Variants in FRS2 observed in about 807,000 individuals in gnomAD.
FRS2 encodes the protein FGFR signalling adaptor.
Under a neutral mutation model 43.9 loss-of-function variants are expected in FRS2, and 8 were observed. The ratio of observed to expected loss-of-function variants is 0.18; its 90% CI spans 0.11 to 0.33. The LOEUF is 0.33. FRS2 is among the 10% of genes least tolerant of loss of function. The probability of loss-of-function intolerance (pLI) is 1.00; values close to 1 mark genes in which losing one functional copy is unlikely to be tolerated. For missense variants in FRS2, 534 were observed against 627.6 expected, an observed-to-expected ratio of 0.85 and a Z score of 1.59; for synonymous variants, 219 against 220.3, an observed-to-expected ratio of 0.99 and a Z score of 0.05.
chr12:69,557,619 T>TGCGCAC (rs1555192501), intron 3 of FRS2, among the ~76,000 whole-genome samples: 6,454 of 118,988 alleles, frequency 0.054, 208 homozygotes, highest in South Asian at 0.19. Context: ...TGTGTGTGTG[T>TGCGCAC]GCGCGCGCGC....
In FRS2 at chr12:69,574,555, C is replaced by T. The variant is rs756070543; in HGVS notation, c.1127C>T (p.Thr376Ile). 35 of 1,613,964 alleles carry T rather than the reference C, an allele frequency of 2.2e-5. No individual in the cohort carries two copies. The highest frequency in any genetic ancestry group is 2.9e-5 in the Non-Finnish European group (34 of 1,179,986). ...GAAGATGACAATTTAGGACCAAAGA[C>T]CCCATCTCTAAATGGCTACCATAAT... ...RDEDDNLGPK[T>I]PSLNGYHNNL... is the part of the protein sequence containing the mutation. The change falls in exon 9 of 9, where the codon ACC (threonine) becomes ATC (isoleucine). Residue 376 changes from threonine to isoleucine, a missense_variant. Physicochemically the swap from Thr to Ile is moderately conservative, Grantham distance 89 (BLOSUM62 -1). This residue lies in a region of FRS2 where 446 missense variants were observed against 494.2 expected (regional missense o/e 0.90). Transcript: ENST00000549921.
intron 8 of FRS2, among the ~76,000 whole-genome samples, chr12:69,573,116 A>T (rs1269547276): frequency 1.3e-5 from 2 of 150,136 alleles, no homozygotes; most frequent in Admixed American, 1.3e-4. Context: ...TACAGGCGTG[A>T]GCCACTGTGC....
At chr12:69,473,189 T>A (rs540901163) in intron 1 of FRS2, among the ~76,000 whole-genome samples, 1 of 152,226 alleles carries the variant, frequency 6.6e-6, no homozygotes, top group Non-Finnish European at 1.5e-5. Flanking sequence ...AATATGTAAG[T>A]ACCTTAATAA....
In FRS2 at chr12:69,503,932, G is replaced by A. The variant is rs377252438; in HGVS notation, c.-260-26933G>A. Among the ~76,000 whole-genome samples, 12 of 152,132 alleles carry A rather than the reference G, an allele frequency of 7.9e-5. No homozygotes were observed. The East Asian group carries it at 2.1e-3, about 27-fold the overall frequency. ...AGATTTTTAAAATTTGGCTGGGCCC[G>A]GTGGCTCATGCTTGTAATCCCAGCA... On this transcript the variant is annotated intron_variant, in intron 1 of 8. Coordinates refer to ENST00000549921, the MANE Select transcript of FRS2 (RefSeq NM_001278356.2).
At chr12:69,557,594 T>TTGTGTGTGTG (rs376896422) in intron 3 of FRS2, among the ~76,000 whole-genome samples, 1,567 of 137,036 alleles carry the variant, frequency 0.011, 10 homozygotes, top group African/African-American at 0.017. Flanking sequence ...TGAAGGTTGA[T>TTGTGTGTGTG]TGTGTGTGTG....
chr12:69,533,727 C>T lies in FRS2; in HGVS notation c.-122+1671C>T, dbSNP rs144575473. ...GATGGGTGGGAAATTAGAATTTCAT[C>T]GGGGTGATGAAATGAGCAATTTGAT... On this transcript the variant is annotated intron_variant, in intron 3 of 8. Coordinates refer to ENST00000549921, the MANE Select transcript of FRS2 (RefSeq NM_001278356.2). Among the ~76,000 whole-genome samples the T allele has an allele frequency of 2.1e-4, 32 of 152,110 alleles. No individual in the cohort carries two copies. The East Asian group carries it at 3.5e-3, about 17-fold the overall frequency.
At chr12:69,545,989 G>A (rs1261303537) in intron 3 of FRS2, among the ~76,000 whole-genome samples, 1 of 152,114 alleles carries the variant, frequency 6.6e-6, no homozygotes. Context: ...TACAACTCTT[G>A]TAAGGAAATG....
chr12:69,556,345 CTTTTTT>C (rs760512474), intron 3 of FRS2, among the ~76,000 whole-genome samples: 1 of 146,494 alleles, frequency 6.8e-6, no homozygotes, highest in African/African-American at 2.5e-5. Flanking sequence ...TTCTTTCTTT[CTTTTTT>C]TTTTTAAGTC....
At chr12:69,510,190 G>T (rs1368316129) in intron 1 of FRS2, among the ~76,000 whole-genome samples, 1 of 152,172 alleles carries the variant, frequency 6.6e-6, no homozygotes, top group Non-Finnish European at 1.5e-5. Flanking sequence ...CATCTGTGGA[G>T]AATGATTTTG....
At chr12:69,519,593 G>GT (rs140198318) in intron 1 of FRS2, among the ~76,000 whole-genome samples, 30,024 of 128,244 alleles carry the variant, frequency 0.23, 3,159 homozygotes, top group Middle Eastern at 0.36. Flanking sequence ...GTTGTCTGTT[G>GT]TTCCCCTCTT....
intron 3 of FRS2, among the ~76,000 whole-genome samples, chr12:69,549,623 C>T (rs1878699913): frequency 1.3e-5 from 2 of 152,282 alleles, no homozygotes; most frequent in South Asian, 4.1e-4. Context: ...GAAGTTTGTT[C>T]CATTTGCATA....
intron 3 of FRS2, among the ~76,000 whole-genome samples, chr12:69,536,579 A>ATTTT (rs5798939): frequency 2.2e-5 from 3 of 134,258 alleles, no homozygotes; most frequent in Non-Finnish European, 1.6e-5. Context: ...TTTTTTTTTA[A>ATTTT]TTTTTTTTTT....
At chr12:69,514,348 T>A (rs1874766539) in intron 1 of FRS2, among the ~76,000 whole-genome samples, 1 of 152,164 alleles carries the variant, frequency 6.6e-6, no homozygotes, top group East Asian at 1.9e-4. Flanking sequence ...TGGATGACTC[T>A]AAATGCTGCC....
intron 1 of FRS2, among the ~76,000 whole-genome samples, chr12:69,474,182 A>G (rs945366533): frequency 2.6e-5 from 4 of 152,044 alleles, no homozygotes; most frequent in African/African-American, 9.7e-5. Flanking sequence ...TGACGGTGGT[A>G]CTCTTACTAG....
intron 1 of FRS2, among the ~76,000 whole-genome samples, chr12:69,525,271 A>G (rs2135633587): frequency 6.6e-6 from 1 of 152,298 alleles, no homozygotes; most frequent in East Asian, 1.9e-4. Context: ...ACAAACCACA[A>G]GTATTTAAAT....
intron 3 of FRS2, among the ~76,000 whole-genome samples, chr12:69,537,586 CTG>C (rs1277067672): frequency 6.6e-6 from 1 of 151,862 alleles, no homozygotes; most frequent in Non-Finnish European, 1.5e-5. Flanking sequence ...TTTTATTTGG[CTG>C]TGTTAAGCCT....
chr12:69,477,465 G>A (rs1432233568), intron 1 of FRS2, among the ~76,000 whole-genome samples: 1 of 150,266 alleles, frequency 6.7e-6, no homozygotes, highest in Non-Finnish European at 1.5e-5. Context: ...TGTATTTTTA[G>A]TAGAAACGGG....
chr12:69,482,065 A>G (rs940665565), intron 1 of FRS2, among the ~76,000 whole-genome samples: 1 of 150,444 alleles, frequency 6.6e-6, no homozygotes, highest in African/African-American at 2.4e-5. Context: ...AGTGCTTTCT[A>G]TATATATGTG....
chr12:69,572,439 G>A (rs1031191781), intron 8 of FRS2, among the ~76,000 whole-genome samples, 158 bp downstream of exon 8: 1 of 152,162 alleles, frequency 6.6e-6, no homozygotes, highest in Admixed American at 6.5e-5. Flanking sequence ...TATATTTGCT[G>A]GTTTATGCTC....
Sources: allele counts gnomAD v4.1 joint callset (sites outside exome capture counted in the v4.1 genomes callset), GRCh38; gene constraint gnomAD v4.1.1; regional missense constraint gnomAD v4.1.1; transcripts MANE v1.5; gene names NCBI Gene and HGNC (gene_info 2026-07-23, HGNC 2026-07-21).